FARS2: variants seen among roughly 807,000 people sequenced by gnomAD.
FARS2 encodes the protein phenylalanyl-tRNA synthetase 2, mitochondrial.
A neutral mutation model predicts 46.4 loss-of-function variants in FARS2; 40 were observed. The ratio of observed to expected loss-of-function variants is 0.86; its 90% CI spans 0.67 to 1.12. The LOEUF (loss-of-function observed/expected upper bound fraction) is 1.12, where lower values mean the gene tolerates loss of function less well. Ranked by LOEUF, FARS2 falls within the 50% of genes most tolerant of loss-of-function variation. The pLI is 0.00. For missense variants in FARS2, 513 were observed against 567.9 expected, an observed-to-expected ratio of 0.90 and a Z score of 0.98; for synonymous variants, 234 against 214.9, an observed-to-expected ratio of 1.09 and a Z score of -0.78.
At chr6:5,437,452 T>G (rs1763587324) in intron 4 of FARS2, among the ~76,000 whole-genome samples, 1 of 152,188 alleles carries the variant, frequency 6.6e-6, no homozygotes, top group Non-Finnish European at 1.5e-5. Context: ...GAGTAAGATT[T>G]TCTACTATGA....
chr6:5,493,970 A>T (rs1020924350), intron 4 of FARS2, among the ~76,000 whole-genome samples: 1 of 152,222 alleles, frequency 6.6e-6, no homozygotes, highest in South Asian at 2.1e-4. Context: ...GGACAGTGTC[A>T]TGTGATACAA....
intron 1 of FARS2, among the ~76,000 whole-genome samples, chr6:5,323,497 T>G (rs997622237): frequency 3.3e-5 from 5 of 152,200 alleles, no homozygotes; most frequent in Non-Finnish European, 7.3e-5. Context: ...TCCTTGTACC[T>G]CAGATTATAC....
chr6:5,499,000 C>G (rs558837271), intron 4 of FARS2, among the ~76,000 whole-genome samples: 17 of 152,070 alleles, frequency 1.1e-4, no homozygotes, highest in Non-Finnish European at 2.4e-4. Flanking sequence ...TGGGTTCAAG[C>G]GATTCTCCTG....
chr6:5,763,768 GTT>G (rs77014974), intron 6 of FARS2, among the ~76,000 whole-genome samples: 877 of 65,366 alleles, frequency 0.013, 9 homozygotes, highest in African/African-American at 0.031. Context: ...TTCCCTTTTG[GTT>G]TTTTTTTTTT....
chr6:5,442,510 G>A (rs1763900124), intron 4 of FARS2, among the ~76,000 whole-genome samples: 1 of 151,776 alleles, frequency 6.6e-6, no homozygotes, highest in East Asian at 1.9e-4. Context: ...ATTGTGTGTG[G>A]GTGTAAGTTG....
chr6:5,394,331 G>A (rs1195704313), intron 2 of FARS2, among the ~76,000 whole-genome samples: 1 of 152,150 alleles, frequency 6.6e-6, no homozygotes, highest in Non-Finnish European at 1.5e-5. Flanking sequence ...AGTGATTTGT[G>A]TTACAGTTGC....
chr6:5,579,299 C>T (rs538898974), intron 5 of FARS2, among the ~76,000 whole-genome samples: 2 of 152,194 alleles, frequency 1.3e-5, no homozygotes, highest in South Asian at 4.2e-4. Flanking sequence ...ATTGCTCTGT[C>T]TCCCAGGCTG....
intron 3 of FARS2, among the ~76,000 whole-genome samples, chr6:5,424,737 T>C (rs934704708): frequency 6.6e-6 from 1 of 152,226 alleles, no homozygotes; most frequent in African/African-American, 2.4e-5. Flanking sequence ...GATCCTGTTA[T>C]AGTATTTTGA....
Position 5,404,644 on chromosome 6 carries a change from G to A in FARS2, c.715G>A (p.Val239Ile), listed in dbSNP as rs759795755. 1.9e-6 allele frequency: 3 copies of A among 1,611,976 alleles called. No individual in the cohort carries two copies. In the South Asian group the frequency reaches 3.3e-5, roughly 18 times the overall value. The change falls in exon 3 of 7, where the codon GTA becomes ATA. Residue 239 changes from valine (V) to isoleucine (I), a missense_variant. Coordinates refer to ENST00000274680, the MANE Select transcript of FARS2 (RefSeq NM_006567.5). ...ETHTMEAVKL[V>I]EFDLKQTLTR... Reference sequence around the variant, plus strand: ...ACACACCATGGAGGCCGTGAAGCTTGTAGAGTTTGATCTTAAGCAAACGCT... The same window carrying A: ...ACACACCATGGAGGCCGTGAAGCTTATAGAGTTTGATCTTAAGCAAACGCT...
At chr6:5,442,287 T>C (rs1284387240) in intron 4 of FARS2, among the ~76,000 whole-genome samples, 2 of 152,142 alleles carry the variant, frequency 1.3e-5, no homozygotes, top group Non-Finnish European at 1.5e-5. Flanking sequence ...ATTCTACATT[T>C]ATATCGGTTA....
At chr6:5,597,496 G>A (rs1347527738) in intron 5 of FARS2, among the ~76,000 whole-genome samples, 2 of 152,218 alleles carry the variant, frequency 1.3e-5, no homozygotes, top group African/African-American at 2.4e-5. Flanking sequence ...GGCGCCTGAT[G>A]TTCTTTTCTC....
At chr6:5,279,556 ATGTGTG>A (rs753710952) in intron 1 of FARS2, among the ~76,000 whole-genome samples, 3 of 146,664 alleles carry the variant, frequency 2.0e-5, no homozygotes, top group Non-Finnish European at 3.0e-5. Context: ...AAAAATATAA[ATGTGTG>A]TGTGTGTGTG....
intron 6 of FARS2, among the ~76,000 whole-genome samples, chr6:5,690,341 G>A (rs1757602240): frequency 1.3e-5 from 2 of 152,046 alleles, no homozygotes; most frequent in African/African-American, 4.8e-5. Flanking sequence ...AGTACTGGTT[G>A]TTCCTTTGCA....
intron 6 of FARS2, among the ~76,000 whole-genome samples, chr6:5,698,099 T>G (rs1043938637): frequency 6.6e-5 from 10 of 152,292 alleles, no homozygotes; most frequent in Middle Eastern, 6.8e-3. Flanking sequence ...AGCACTGATT[T>G]AGGAAATATC....
intron 5 of FARS2, chr6:5,610,301 C>G: frequency 3.1e-6 from 1 of 319,340 alleles, no homozygotes; most frequent in Non-Finnish European, 5.6e-6. Context: ...ATGCCCTTTT[C>G]AATTCTTTTT....
chr6:5,499,327 A>G (rs1767656671), intron 4 of FARS2, among the ~76,000 whole-genome samples: 1 of 152,158 alleles, frequency 6.6e-6, no homozygotes, highest in Admixed American at 6.5e-5. Context: ...GTGCTTCCCT[A>G]GTGGTTTTAT....
intron 6 of FARS2, among the ~76,000 whole-genome samples, chr6:5,656,453 A>G (rs961833933): frequency 6.6e-6 from 1 of 152,150 alleles, no homozygotes; most frequent in African/African-American, 2.4e-5. Context: ...GGTCCACTTC[A>G]CTGTTACTTA....
intron 6 of FARS2, among the ~76,000 whole-genome samples, chr6:5,619,178 G>C (rs1775633293): frequency 6.6e-6 from 1 of 152,208 alleles, no homozygotes; most frequent in Non-Finnish European, 1.5e-5. Flanking sequence ...TGTGGAGATG[G>C]ACTGTAAGAC....
chr6:5,362,163 A>G (rs773703994), intron 1 of FARS2, among the ~76,000 whole-genome samples: 2 of 152,208 alleles, frequency 1.3e-5, no homozygotes, highest in Non-Finnish European at 2.9e-5. Flanking sequence ...CTGTTTGGAC[A>G]TTCCAGGCAG....
Sources: allele counts gnomAD v4.1 joint callset (sites outside exome capture counted in the v4.1 genomes callset), GRCh38; gene constraint gnomAD v4.1.1; transcripts MANE v1.5; gene names NCBI Gene and HGNC (gene_info 2026-07-23, HGNC 2026-07-21).